The following GRIA2 variants were observed in gnomAD, a reference collection of about 807,000 sequenced individuals.
The protein encoded by GRIA2 is glutamate receptor 2.
Under a neutral mutation model 97.3 loss-of-function variants are expected in GRIA2, and 14 were observed. That is an observed-to-expected ratio of 0.14 (90% CI 0.10 to 0.23). GRIA2 has a LOEUF of 0.23. GRIA2 is among the 10% of genes least tolerant of loss of function. GRIA2 has a pLI of 1.00. For missense variants in GRIA2, 558 were observed against 1,069.8 expected (o/e 0.52, Z 6.67); for synonymous variants, 412 against 387.8 (o/e 1.06, Z -0.73).
intron 2 of GRIA2, among the ~76,000 whole-genome samples, chr4:157,239,808 T>A (rs1236677846): frequency 1.3e-5 from 2 of 152,076 alleles, no homozygotes; most frequent in Non-Finnish European, 2.9e-5. Context: ...TACCATGCTA[T>A]GATTAGATTT....
In GRIA2 at chr4:157,303,553, C is replaced by T. The variant is rs145625411; in HGVS notation, c.231C>T (p.Phe77=). The change falls in exon 3 of 16, where the codon TTC becomes TTT. Residue 77 remains phenylalanine, a splice_region_variant and synonymous_variant. Transcript: ENST00000264426. ...TTTCTATTTTTCCTATTCTTCTAGT[C>T]TGCTCCCAGTTTTCGAGAGGAGTCT... ...VANSFAVTNA[F]CSQFSRGVYA... 91 of 1,613,138 alleles carry T rather than the reference C, an allele frequency of 5.6e-5. No homozygotes were observed. The African/African-American group carries it at 6.3e-4, about 11-fold the overall frequency.
At chr4:157,335,427 G>A (rs1391782536) in intron 9 of GRIA2, 1 of 495,640 alleles carries the variant, frequency 2.0e-6, no homozygotes, top group Non-Finnish European at 3.7e-6. Flanking sequence ...GTGGTTTTGA[G>A]TATCTTGTTA....
intron 12 of GRIA2, among the ~76,000 whole-genome samples, chr4:157,346,159 G>A (rs371460701): frequency 3.9e-4 from 59 of 151,714 alleles, no homozygotes; most frequent in African/African-American, 1.2e-3. Context: ...CTCTCTCTAC[G>A]GCATACAATA....
intron 2 of GRIA2, among the ~76,000 whole-genome samples, chr4:157,236,781 T>C (rs949627964): frequency 6.6e-6 from 1 of 152,166 alleles, no homozygotes; most frequent in Non-Finnish European, 1.5e-5. Flanking sequence ...TATGTATGTG[T>C]GTGTGCATAA....
chr4:157,353,090 C>T (rs1011995430), intron 12 of GRIA2, among the ~76,000 whole-genome samples: 9 of 151,954 alleles, frequency 5.9e-5, no homozygotes, highest in Non-Finnish European at 1.0e-4. Context: ...TGCTAGCTCA[C>T]GCCTGTAATC....
intron 2 of GRIA2, among the ~76,000 whole-genome samples, chr4:157,287,927 C>G (rs1049344725): frequency 6.6e-6 from 1 of 151,466 alleles, no homozygotes; most frequent in African/African-American, 2.4e-5. Flanking sequence ...TTCTTGTGAT[C>G]TGAGTCTTGC....
intron 12 of GRIA2, among the ~76,000 whole-genome samples, chr4:157,356,163 ATATTTATATATATTTATATATT>A (rs1488217785): frequency 1.5e-5 from 2 of 130,590 alleles, no homozygotes; most frequent in African/African-American, 5.8e-5. Flanking sequence ...TTATTTATAT[ATATTTATATATATTTATATATT>A]TATTTATATA....
At chr4:157,244,022 T>C (rs1730622586) in intron 2 of GRIA2, among the ~76,000 whole-genome samples, 1 of 151,994 alleles carries the variant, frequency 6.6e-6, no homozygotes, top group South Asian at 2.1e-4. Flanking sequence ...TTGAAGACAA[T>C]ATGTTAGGTA....
chr4:157,304,777 A>G (rs568481762), intron 3 of GRIA2, among the ~76,000 whole-genome samples: 2 of 152,258 alleles, frequency 1.3e-5, no homozygotes, highest in South Asian at 4.1e-4. Flanking sequence ...TTGTTAACCC[A>G]CAAGGGCAGA....
At chr4:157,336,221 T>C (rs1283219114) in intron 10 of GRIA2, among the ~76,000 whole-genome samples, 156 bp from the exon 11 acceptor site, 1 of 152,062 alleles carries the variant, frequency 6.6e-6, no homozygotes, top group East Asian at 1.9e-4. Flanking sequence ...CGGGGAATAA[T>C]TCCTTTTTGT....
intron 10 of GRIA2, among the ~76,000 whole-genome samples, 165 bp from the exon 11 acceptor site, chr4:157,336,212 G>A (rs951346120): frequency 3.9e-5 from 6 of 151,960 alleles, no homozygotes; most frequent in South Asian, 2.1e-4. Context: ...AGGGGCATTC[G>A]GGGAATAATT....
At chr4:157,261,075 G>A (rs748750113) in intron 2 of GRIA2, among the ~76,000 whole-genome samples, 6 of 152,066 alleles carry the variant, frequency 3.9e-5, no homozygotes, top group Non-Finnish European at 7.4e-5. Context: ...GCATGCCTGA[G>A]ACTGGGTATT....
intron 14 of GRIA2, among the ~76,000 whole-genome samples, chr4:157,362,150 G>A (rs938109935): frequency 1.3e-5 from 2 of 152,074 alleles, no homozygotes; most frequent in Non-Finnish European, 2.9e-5. Flanking sequence ...ACACTGAGGG[G>A]ATGAATTTTG....
intron 12 of GRIA2, among the ~76,000 whole-genome samples, chr4:157,357,768 G>C (rs576359783): frequency 6.6e-6 from 1 of 152,014 alleles, no homozygotes; most frequent in African/African-American, 2.4e-5. Context: ...CAGCTGAGAC[G>C]AAAGTAGCTA....
intron 2 of GRIA2, among the ~76,000 whole-genome samples, chr4:157,246,856 C>T (rs1255279724): frequency 6.6e-6 from 1 of 152,096 alleles, no homozygotes; most frequent in East Asian, 1.9e-4. Flanking sequence ...TACTCAGATA[C>T]ACATGTATTA....
Position 157,360,957 on chromosome 4 carries a change from A to G in GRIA2, c.2292-53A>G, listed in dbSNP as rs560240699. ...AAAACAAATTAAAACAAAACAAACA[A>G]AAAGTCTAAAATTTGCTCACCCTGT... On this transcript the variant is annotated intron_variant, in intron 13 of 15. Coordinates refer to ENST00000264426, the MANE Select transcript of GRIA2 (RefSeq NM_001083619.3). 272 of 1,303,030 alleles carry G rather than the reference A, an allele frequency of 2.1e-4. 1 individual carries two copies. The African/African-American group carries it at 3.8e-3, about 18-fold the overall frequency. 80.7% of individuals were successfully genotyped at this position (1,303,030 alleles called of 1,614,324 possible). A position where few individuals can be genotyped will look rare whatever the true frequency, so the allele number is the denominator to read the frequency against.
chr4:157,305,075 T>C (rs1341993247), intron 3 of GRIA2, among the ~76,000 whole-genome samples: 2 of 152,192 alleles, frequency 1.3e-5, no homozygotes, highest in East Asian at 1.9e-4. Flanking sequence ...AATACAGATT[T>C]CAATGTGCTG....
At chr4:157,221,590 T>G in intron 1 of GRIA2, 77 bp from the exon 2 acceptor site, 4 of 1,454,612 alleles carry the variant, frequency 2.7e-6, no homozygotes, top group Non-Finnish European at 9.5e-7. Context: ...CTTGGATTTT[T>G]GGGCGCTAGC....
chr4:157,344,008 A>G (rs1056276988), intron 12 of GRIA2, among the ~76,000 whole-genome samples: 1 of 152,046 alleles, frequency 6.6e-6, no homozygotes, highest in East Asian at 1.9e-4. Flanking sequence ...TGGCTTTCCA[A>G]CTGTATCCAT....
Sources: gnomAD v4.1 joint callset for allele counts (sites outside exome capture counted in the v4.1 genomes callset) on GRCh38, gnomAD v4.1.1 for gene constraint, MANE v1.5 for transcripts, NCBI Gene and HGNC (gene_info 2026-07-23, HGNC 2026-07-21) for gene names.